Variants in MEGF8 observed in about 807,000 individuals in gnomAD.
MEGF8 encodes multiple epidermal growth factor-like domains protein 8.
A neutral mutation model predicts 302.9 loss-of-function variants in MEGF8; 156 were observed. The observed-to-expected ratio is 0.52, with a 90% CI of 0.45 to 0.59. The LOEUF (loss-of-function observed/expected upper bound fraction) is 0.59. MEGF8 is among the 20% of genes least tolerant of loss of function. The pLI is 0.00. For missense variants in MEGF8, 3,345 were observed against 3,964.5 expected (o/e 0.84, Z 4.20); for synonymous variants, 1,621 against 1,660.5 (o/e 0.98, Z 0.58).
Position 42,352,346 on chromosome 19 carries a change from G to A in MEGF8, c.3240G>A (p.Leu1080=), listed in dbSNP as rs766346816. ...ARCPDVDECR[L]GLARCHPRAT... ...GTCCTGACGTGGATGAGTGTCGCCT[G>A]GGCCTGGCCCGGTGCCACCCGCGGG... The change falls in exon 19 of 42, where the codon CTG becomes CTA. Residue 1080 remains leucine, a synonymous_variant. Transcript: ENST00000251268. This position sits in a 1 kb window ranked among gnomAD's most constrained non-coding sequence, Gnocchi z 4.4. The A allele has an allele frequency of 3.1e-6, 5 of 1,588,620 alleles. No individual in the cohort carries two copies. The highest frequency in any genetic ancestry group is 4.3e-6 in the Non-Finnish European group (5 of 1,168,526).
chr19:42,374,532 T>C (rs2039739705), intron 41 of MEGF8, among the ~76,000 whole-genome samples: 3 of 150,570 alleles, frequency 2.0e-5, no homozygotes, highest in African/African-American at 7.3e-5. Flanking sequence ...GCTTGGTGCC[T>C]GGAGTGACCC....
chr19:42,326,056 G>A lies in MEGF8; in HGVS notation c.-188G>A. The A allele has an allele frequency of 1.0e-6, 1 of 965,846 alleles. No individual in the cohort carries two copies. The highest frequency in any genetic ancestry group is 1.4e-6 in the Non-Finnish European group (1 of 708,730). The allele number at this position is 965,846 out of a possible 1,614,324, so 59.8% of individuals were successfully genotyped here. A position where few individuals can be genotyped will look rare whatever the true frequency, so the allele number is the denominator to read the frequency against. ...CATCGCTCTATAGGGCTCAGCCCTC[G>A]GCTTCCAGAGCCTGTCAGCAGTGGC... On this transcript the variant is annotated 5_prime_UTR_variant, in exon 1 of 42. Transcript: ENST00000251268.
chr19:42,355,533 A>G (rs2039438555), intron 23 of MEGF8, among the ~76,000 whole-genome samples: 1 of 152,088 alleles, frequency 6.6e-6, no homozygotes, highest in Admixed American at 6.5e-5. Context: ...GGGCTTGGAT[A>G]GCAGCTCAGG....
chr19:42,337,267 T>A, intron 8 of MEGF8, 61 bp downstream of exon 8: 2 of 1,607,568 alleles, frequency 1.2e-6, no homozygotes, highest in Middle Eastern at 2.2e-4. Context: ...CCATAGTGAT[T>A]CTGGGCTCAA....
At chr19:42,359,581 T>C (rs895436249) in intron 31 of MEGF8, among the ~76,000 whole-genome samples, 16 of 152,198 alleles carry the variant, frequency 1.1e-4, no homozygotes, top group Non-Finnish European at 1.9e-4. Flanking sequence ...GGTAGAAGCA[T>C]GCCTGTCACT....
In MEGF8 at chr19:42,352,496, G is replaced by T. The variant is rs1414181613; in HGVS notation, c.3350+40G>T. 1.9e-6 allele frequency: 3 copies of T among 1,540,504 alleles called. No individual in the cohort carries two copies. The South Asian group carries it at 3.6e-5, about 19-fold the overall frequency. ...GGTTGCTATGGAGATGTTGCCCCAG[G>T]CTGGGGCACATGGAGGTGGAGGGAG... On this transcript the variant is annotated intron_variant, in intron 19 of 41. Coordinates refer to ENST00000251268, the MANE Select transcript of MEGF8 (RefSeq NM_001271938.2). The surrounding 1 kb of genome is among the most constrained non-coding windows in gnomAD (Gnocchi z 4.4).
chr19:42,362,215 TGAGTGGTGGG>T lies in MEGF8; in HGVS notation c.5844+5_5844+14del. ...ACCCTGCAACCTGGAGATGGAGAGG[TGAGTGGTGGG>T]GAAGGCAGGGATGAGAAGCAGCAGG... On this transcript the variant is annotated splice_donor_5th_base_variant and intron_variant, in intron 33 of 41. Transcript: ENST00000251268. The T allele has an allele frequency of 6.2e-7, 1 of 1,609,932 alleles. No individual in the cohort carries two copies. Among genetic ancestry groups the T allele is most frequent in the Non-Finnish European group, 8.5e-7 (1 of 1,179,034 alleles).
chr19:42,350,072 C>T, intron 14 of MEGF8, 76 bp from the exon 15 acceptor site: 1 of 1,250,454 alleles, frequency 8.0e-7, no homozygotes, highest in Non-Finnish European at 1.1e-6. Context: ...GCTCCAAACC[C>T]TTACTTTCAG....
At position 42,336,499 on chromosome 19, in the gene MEGF8, C is replaced by T. The variant is rs2039130538; in HGVS notation, c.1244+153C>T. Among the ~76,000 whole-genome samples, 1 of 152,228 alleles carries T rather than the reference C, an allele frequency of 6.6e-6. No individual in the cohort carries two copies. The highest frequency in any genetic ancestry group is 1.5e-5 in the Non-Finnish European group (1 of 68,042). ...GTATTTACTTATTCCTTCGTTCACTCATTCATTCATTCACCCACTCACACA... is the reference window on the plus strand; with the variant it reads ...GTATTTACTTATTCCTTCGTTCACTTATTCATTCATTCACCCACTCACACA... On this transcript the variant is annotated intron_variant, in intron 6 of 41. Coordinates refer to ENST00000251268, the MANE Select transcript of MEGF8 (RefSeq NM_001271938.2). This position sits in a 1 kb window ranked among gnomAD's most constrained non-coding sequence, Gnocchi z 4.8.
In MEGF8 at chr19:42,355,896, C is replaced by G. The variant is rs781043047; in HGVS notation, c.4283C>G (p.Ala1428Gly). 1.3e-6 allele frequency: 2 copies of G among 1,586,760 alleles called. No homozygotes were observed. The highest frequency in any genetic ancestry group is 4.6e-5 in the East Asian group (2 of 43,442). Residue 1428 changes from alanine (A) to glycine (G), a missense_variant, in exon 24 of 42, where the codon GCA (alanine) becomes GGA (glycine). Transcript: ENST00000251268. ...GAATGCGTGCCCCAGGACGGTGCTG[C>G]AGGTGCGGGGCTCTGCCGATGTCCT... ...PQECVPQDGA[A>G]GAGLCRCPQG...
chr19:42,366,579 C>A (rs946301438), intron 35 of MEGF8, among the ~76,000 whole-genome samples: 1 of 152,212 alleles, frequency 6.6e-6, no homozygotes, highest in African/African-American at 2.4e-5. Context: ...CTGCCTCCTT[C>A]CTCTCATCCT....
At position 42,356,012 on chromosome 19, in the gene MEGF8, G is replaced by A. The variant is rs777675762; in HGVS notation, c.4392+7G>A. On this transcript the variant is annotated splice_region_variant and intron_variant, in intron 24 of 41. Transcript: ENST00000251268. This position sits in a 1 kb window ranked among gnomAD's most constrained non-coding sequence, Gnocchi z 5.2. ...GGCAGGAACTTGTAACCAGGTACAGGTGGGAGAGGGCAAGTCTGGTGGGAC... is the reference window on the plus strand; with the variant it reads ...GGCAGGAACTTGTAACCAGGTACAGATGGGAGAGGGCAAGTCTGGTGGGAC... 3 of 1,609,524 alleles carry A rather than the reference G, an allele frequency of 1.9e-6. No individual in the cohort carries two copies. Among genetic ancestry groups the A allele is most frequent in the Non-Finnish European group, 1.7e-6 (2 of 1,176,710 alleles).
chr19:42,351,519 G>T lies in MEGF8; in HGVS notation c.2946G>T (p.Leu982Phe). 6.2e-7 allele frequency: 1 copy of T among 1,608,600 alleles called. No individual in the cohort carries two copies. Residue 982 changes from leucine (L) to phenylalanine (F), a missense_variant, in exon 17 of 42, where the codon TTG (leucine) becomes TTT (phenylalanine). Transcript: ENST00000251268. The surrounding 1 kb of genome is among the most constrained non-coding windows in gnomAD (Gnocchi z 5.6). Reference sequence around the variant, plus strand: ...CCTGCTTCCTGTTTGCTGCCTACTTGGCCCGGTACCCACACGGGGGCTGTC... The same window carrying T: ...CCTGCTTCCTGTTTGCTGCCTACTTTGCCCGGTACCCACACGGGGGCTGTC... The part of the protein sequence containing the change: ...THTCFLFAAY[L>F]ARYPHGGCRG...
Position 42,375,848 on chromosome 19 carries a change from C to A in MEGF8, c.7611C>A (p.Pro2537=). ...CCCCAGCCCCACCACCTCCACCACC[C>A]CCTGCAGATGGTGGGCCCCGGGGGG... ...QPPPAPPPPP[P]PADGGPRGAG... The change falls in exon 42 of 42, where the codon CCC becomes CCA. Residue 2537 remains proline (P), a synonymous_variant. Coordinates refer to ENST00000251268, the MANE Select transcript of MEGF8 (RefSeq NM_001271938.2). The surrounding 1 kb of genome is among the most constrained non-coding windows in gnomAD (Gnocchi z 7.1). 1 of 1,609,456 alleles carries A rather than the reference C, an allele frequency of 6.2e-7. No individual in the cohort carries two copies. The highest frequency in any genetic ancestry group is 8.5e-7 in the Non-Finnish European group (1 of 1,178,410).
chr19:42,353,780 G>A lies in MEGF8; in HGVS notation c.3767G>A (p.Gly1256Asp), dbSNP rs753322711. The A allele has an allele frequency of 5.6e-6, 9 of 1,598,298 alleles. No individual in the cohort carries two copies. The Admixed American group carries it at 1.5e-4, about 27-fold the overall frequency. ...SPGYYGDPRA[G>D]GSCFRECGGR... ...GCTCTTCTCCATCTCCCCAGGGCCG[G>A]TGGTTCCTGCTTTCGGGAGTGTGGG... is the stretch of plus-strand genomic sequence containing the variant. The change falls in exon 22 of 42, where the codon GGT (glycine) becomes GAT (aspartate). Residue 1256 changes from glycine (G) to aspartate (D), a missense_variant. Gly to Asp is a moderately conservative substitution (Grantham distance 94). Coordinates refer to ENST00000251268, the MANE Select transcript of MEGF8 (RefSeq NM_001271938.2). The surrounding 1 kb of genome is among the most constrained non-coding windows in gnomAD (Gnocchi z 6.1).
intron 23 of MEGF8, 143 bp from the exon 24 acceptor site, chr19:42,355,615 C>A: frequency 8.2e-7 from 1 of 1,219,806 alleles, no homozygotes. Context: ...GGAGGGGGTG[C>A]AGAATGGTTC....
At position 42,356,496 on chromosome 19, in the gene MEGF8, G is replaced by T; in HGVS notation, c.4622+43G>T. On this transcript the variant is annotated intron_variant, in intron 26 of 41. Coordinates refer to ENST00000251268, the MANE Select transcript of MEGF8 (RefSeq NM_001271938.2). This position sits in a 1 kb window ranked among gnomAD's most constrained non-coding sequence, Gnocchi z 5.2. ...CAGGTGGGATTCGCAAATAAGAGAA[G>T]GTCACCTCGGGATGCTAAGAGTCAC... The T allele has an allele frequency of 1.4e-6, 2 of 1,444,078 alleles. No homozygotes were observed. The highest frequency in any genetic ancestry group is 2.7e-5 in the South Asian group (2 of 73,956). 89.5% of individuals were successfully genotyped at this position (1,444,078 alleles called of 1,614,324 possible).
chr19:42,370,130 C>G, intron 38 of MEGF8, 59 bp from the exon 39 acceptor site: 1 of 1,539,196 alleles, frequency 6.5e-7, no homozygotes, highest in Non-Finnish European at 8.7e-7. Context: ...GTGCCCCCAA[C>G]GCCCTCCTAC....
intron 12 of MEGF8, among the ~76,000 whole-genome samples, chr19:42,346,498 G>A (rs2039291163): frequency 6.6e-6 from 1 of 151,936 alleles, no homozygotes; most frequent in Non-Finnish European, 1.5e-5. Context: ...CCAACATTAC[G>A]AAATCCCATC....
Sources: gnomAD v4.1 joint callset for allele counts (sites outside exome capture counted in the v4.1 genomes callset) on GRCh38, gnomAD v4.1.1 for gene constraint, Gnocchi (gnomAD v3.1) non-coding constraint, MANE v1.5 for transcripts, NCBI Gene and HGNC (gene_info 2026-07-23, HGNC 2026-07-21) for gene names.